GTF3C4: variants seen among roughly 807,000 people sequenced by gnomAD.
GTF3C4 encodes general transcription factor IIIC subunit 4.
In GTF3C4, 28 loss-of-function variants were observed where a neutral mutation model predicts 67.5. The observed-to-expected ratio is 0.41, with a 90% confidence interval of 0.31 to 0.57. The LOEUF (loss-of-function observed/expected upper bound fraction) is 0.57, where lower values mean the gene tolerates loss of function less well. Among genes scored for constraint, GTF3C4 ranks in the 20% least tolerant of loss-of-function variants. The pLI, the probability that GTF3C4 is intolerant of heterozygous loss-of-function variation, is 0.21. For synonymous variants in GTF3C4, 409 were observed against 393.0 expected (o/e 1.04, Z -0.48); for missense variants, 831 against 1,033.2 (o/e 0.80, Z 2.68).
rs1036271105 is a variant in GTF3C4 at position 132,691,817 on chromosome 9, C to T, written c.*2872C>T. Reference sequence around the variant, plus strand: ...ATATGACATTTTTCTGCTTTTCCCTCTAAGAAGTTTTTGAGAATGTTAATG... The same window carrying T: ...ATATGACATTTTTCTGCTTTTCCCTTTAAGAAGTTTTTGAGAATGTTAATG... On this transcript the variant is annotated 3_prime_UTR_variant, in exon 5 of 5. Transcript: ENST00000372146. 2.6e-5 allele frequency: 4 copies of T among 152,180 alleles called. No homozygotes were observed. The highest frequency in any genetic ancestry group is 9.7e-5 in the African/African-American group (4 of 41,442). 9.4% of individuals were successfully genotyped at this position (152,180 alleles called of 1,614,324 possible).
At chr9:132,681,078 C>T (rs763587486) in intron 2 of GTF3C4, among the ~76,000 whole-genome samples, 5 of 151,918 alleles carry the variant, frequency 3.3e-5, no homozygotes, top group Admixed American at 2.0e-4. Flanking sequence ...ATTGCACAAT[C>T]GACAAGAGCA....
chr9:132,686,446 T>C (rs976880862), intron 3 of GTF3C4, among the ~76,000 whole-genome samples: 2 of 124,834 alleles, frequency 1.6e-5, no homozygotes, highest in Non-Finnish European at 3.7e-5. Flanking sequence ...CTGCTTGGAG[T>C]CCCTTCCCCA....
rs751203468 is a variant in GTF3C4, at chr9:132,670,644, C to A, written c.46C>A (p.Pro16Thr). 41 of 1,474,396 alleles carry A rather than the reference C, an allele frequency of 2.8e-5. No individual in the cohort carries two copies. The highest frequency in any genetic ancestry group is 3.2e-5 in the Non-Finnish European group (36 of 1,123,832). The allele number at this position is 1,474,396 out of a possible 1,614,324, so 91.3% of individuals were successfully genotyped here. A position where few individuals can be genotyped will look rare whatever the true frequency, so the allele number is the denominator to read the frequency against. Residue 16 changes from proline (P) to threonine (T), a missense_variant, in exon 1 of 5, where the codon CCT becomes ACT. By Grantham distance (38) the Pro-to-Thr change is conservative (BLOSUM62 -1). Around this residue, in one of 4 missense-constraint regions of GTF3C4, gnomAD observed 237 missense variants for 212.7 expected, o/e 1.11. Coordinates refer to ENST00000372146, the MANE Select transcript of GTF3C4 (RefSeq NM_012204.4). ...QARVGPADDG[P>T]APSGEEEGEG... Reference sequence around the variant, plus strand: ...CCGGGTGGGGCCCGCGGACGACGGGCCTGCGCCGTCTGGGGAGGAGGAGGG... The same window carrying A: ...CCGGGTGGGGCCCGCGGACGACGGGACTGCGCCGTCTGGGGAGGAGGAGGG...
chr9:132,693,164 T>C lies in GTF3C4; in HGVS notation c.*4219T>C, dbSNP rs1415093358. 2 of 152,240 alleles carry C rather than the reference T, an allele frequency of 1.3e-5. No individual in the cohort carries two copies. The highest frequency in any genetic ancestry group is 2.9e-5 in the Non-Finnish European group (2 of 68,036). The allele number at this position is 152,240 out of a possible 1,614,324, so 9.4% of individuals were successfully genotyped here. A position where few individuals can be genotyped will look rare whatever the true frequency, so the allele number is the denominator to read the frequency against. ...TGTTAGCCAGTCCATGTCTCATTGA[T>C]AGGATGTAGCCTGCCATCTGCATAG... On this transcript the variant is annotated 3_prime_UTR_variant, in exon 5 of 5. Transcript: ENST00000372146.
Position 132,670,492 on chromosome 9 carries a change from G to A in GTF3C4, c.-107G>A, listed in dbSNP as rs1395174818. On this transcript the variant is annotated 5_prime_UTR_variant, in exon 1 of 5. Transcript: ENST00000372146. ...GGCTCGGCGGCGCTCGGGGCCTGAG[G>A]GGAGAAAACCGCCGCGGAGGGCGCT... The A allele has an allele frequency of 2.8e-5, 30 of 1,056,730 alleles. No homozygotes were observed. The South Asian group carries it at 4.5e-4, about 16-fold the overall frequency. The allele number at this position is 1,056,730 out of a possible 1,614,324, so 65.5% of individuals were successfully genotyped here.
chr9:132,679,317 A>C lies in GTF3C4; in HGVS notation c.1698A>C (p.Glu566Asp). 1 of 1,614,152 alleles carries C rather than the reference A, an allele frequency of 6.2e-7. No homozygotes were observed. The highest frequency in any genetic ancestry group is 8.5e-7 in the Non-Finnish European group (1 of 1,180,020). ...FLQEALEKKI[E>D]SSGVTYFWRF... ...AAGAAGCTTTGGAAAAAAAGATTGAAAGCAGTGGAGTCACCTATTTTTGGC... is the reference window on the plus strand; with the variant it reads ...AAGAAGCTTTGGAAAAAAAGATTGACAGCAGTGGAGTCACCTATTTTTGGC... Residue 566 changes from glutamate to aspartate, a missense_variant, in exon 2 of 5, where the codon GAA becomes GAC. This residue lies in a region of GTF3C4 where 390 missense variants were observed against 540.3 expected (regional missense o/e 0.72). Coordinates refer to ENST00000372146, the MANE Select transcript of GTF3C4 (RefSeq NM_012204.4). The surrounding 1 kb of genome is among the most constrained non-coding windows in gnomAD (Gnocchi z 5.9).
At chr9:132,671,476 A>G (rs965059504) in intron 1 of GTF3C4, among the ~76,000 whole-genome samples, 2 of 152,080 alleles carry the variant, frequency 1.3e-5, no homozygotes, top group African/African-American at 4.8e-5. Context: ...TTTATTATGA[A>G]TGGTCCTCGC....
In GTF3C4 at chr9:132,690,870, C is replaced by T. The variant is rs1170451860; in HGVS notation, c.*1925C>T. 6.6e-6 allele frequency: 1 copy of T among 152,144 alleles called. No homozygotes were observed. Among genetic ancestry groups the T allele is most frequent in the East Asian group, 1.9e-4 (1 of 5,190 alleles). 9.4% of individuals were successfully genotyped at this position (152,144 alleles called of 1,614,324 possible). A position where few individuals can be genotyped will look rare whatever the true frequency, so the allele number is the denominator to read the frequency against. On this transcript the variant is annotated 3_prime_UTR_variant, in exon 5 of 5. Transcript: ENST00000372146. Reference sequence around the variant, plus strand: ...TATGGCATAGTTTCACTTCCCCTCCCCCCATTAGAATCAGTGGAGATTTGT... The same window carrying T: ...TATGGCATAGTTTCACTTCCCCTCCTCCCATTAGAATCAGTGGAGATTTGT...
At chr9:132,672,316 CAG>C (rs1388488017) in intron 1 of GTF3C4, among the ~76,000 whole-genome samples, 1 of 152,078 alleles carries the variant, frequency 6.6e-6, no homozygotes, top group East Asian at 1.9e-4. Flanking sequence ...AATACCTTAG[CAG>C]AGAGAATGTA....
chr9:132,684,341 C>T (rs750228583), intron 3 of GTF3C4, among the ~76,000 whole-genome samples: 5 of 152,152 alleles, frequency 3.3e-5, no homozygotes, highest in African/African-American at 7.2e-5. Context: ...GGAATCCAAC[C>T]TTTTGTTCCT....
intron 2 of GTF3C4, among the ~76,000 whole-genome samples, chr9:132,680,333 A>G (rs1835922542): frequency 1.3e-5 from 2 of 152,240 alleles, no homozygotes; most frequent in South Asian, 4.1e-4. Context: ...CTTACCTAGA[A>G]TGTATTCTAT....
At chr9:132,670,131 C>A, upstream of GTF3C4, 1 of 1,586,090 alleles carries the variant, frequency 6.3e-7, no homozygotes, top group Non-Finnish European at 8.6e-7. Flanking sequence ...ACCGCGCGTG[C>A]CCCCGCCTGG....
At chr9:132,670,248 A>G (rs1835668357), upstream of GTF3C4, 2 of 1,524,658 alleles carry the variant, frequency 1.3e-6, no homozygotes, top group South Asian at 1.2e-5. Context: ...ATCCGGCGCC[A>G]TCTCACCGAC....
At chr9:132,684,858 T>A (rs531061070) in intron 3 of GTF3C4, among the ~76,000 whole-genome samples, 6 of 152,322 alleles carry the variant, frequency 3.9e-5, no homozygotes, top group South Asian at 4.1e-4. Flanking sequence ...CTTCCTTGCG[T>A]TATTATTTTC....
At chr9:132,670,223 C>T (rs754445832), upstream of GTF3C4, 5 of 1,541,986 alleles carry the variant, frequency 3.2e-6, no homozygotes, top group Admixed American at 9.8e-5. Flanking sequence ...TCTCTGAATG[C>T]CTCTGAGAAG....
At chr9:132,687,410 C>T in intron 4 of GTF3C4, 83 bp downstream of exon 4, 1 of 793,848 alleles carries the variant, frequency 1.3e-6, no homozygotes, top group Non-Finnish European at 2.2e-6. Context: ...CAGTTCTAGT[C>T]ACGCTCTACA....
At chr9:132,670,310 G>T, upstream of GTF3C4, 1 of 1,493,720 alleles carries the variant, frequency 6.7e-7, no homozygotes, top group Non-Finnish European at 8.9e-7. Context: ...AGGAACTAAA[G>T]CCTGTCTGGG....
upstream of GTF3C4, chr9:132,670,267 C>T (rs1478069057): frequency 1.3e-6 from 2 of 1,515,950 alleles, no homozygotes; most frequent in Non-Finnish European, 1.8e-6. Flanking sequence ...ACGAGCCTCC[C>T]CTTTACCGCC....
At chr9:132,671,232 C>A (rs951593936) in intron 1 of GTF3C4, among the ~76,000 whole-genome samples, 1 of 152,182 alleles carries the variant, frequency 6.6e-6, no homozygotes, top group Non-Finnish European at 1.5e-5. Context: ...GGAACCCCTC[C>A]TTCGCCCCTC....
Sources: allele counts gnomAD v4.1 joint callset (sites outside exome capture counted in the v4.1 genomes callset), GRCh38; gene constraint gnomAD v4.1.1; regional missense constraint gnomAD v4.1.1; non-coding constraint Gnocchi (gnomAD v3.1); transcripts MANE v1.5; gene names NCBI Gene and HGNC (gene_info 2026-07-23, HGNC 2026-07-21).